SHB: variants seen among roughly 807,000 people sequenced by gnomAD.
SHB encodes SH2 domain containing adaptor protein B.
SHB carries 20 observed loss-of-function variants against 52.3 expected under a neutral mutation model. That is an observed-to-expected ratio of 0.38 (90% CI 0.27 to 0.56). The LOEUF is 0.56. Ranked by LOEUF, SHB falls within the 20% of genes least tolerant of loss-of-function variation. The probability of loss-of-function intolerance (pLI) is 0.71; values close to 1 mark genes in which losing one functional copy is unlikely to be tolerated. For missense variants in SHB, 825 were observed against 723.3 expected (o/e 1.14, Z -1.61); for synonymous variants, 397 against 316.5 (o/e 1.25, Z -2.70).
intron 5 of SHB, among the ~76,000 whole-genome samples, chr9:37,941,907 G>A (rs1458511313): frequency 1.3e-5 from 2 of 152,196 alleles, no homozygotes; most frequent in Admixed American, 1.3e-4. Context: ...CCTGCTGATA[G>A]ATGAGGGGAG....
chr9:37,939,343 C>T (rs150785326), intron 5 of SHB, among the ~76,000 whole-genome samples: 1 of 152,344 alleles, frequency 6.6e-6, no homozygotes, highest in African/African-American at 2.4e-5. Context: ...GCCTCTGCCC[C>T]TCCCTGACAA....
chr9:38,007,112 G>A (rs60719425), intron 2 of SHB, among the ~76,000 whole-genome samples: 7,450 of 152,252 alleles, frequency 0.049, 419 homozygotes, highest in African/African-American at 0.14. Flanking sequence ...AGCATAGAAC[G>A]GTGCCAGCAC....
intron 2 of SHB, among the ~76,000 whole-genome samples, chr9:37,991,671 T>C (rs540344113): frequency 7.2e-5 from 11 of 152,252 alleles, no homozygotes; most frequent in South Asian, 2.1e-4. Flanking sequence ...TTGGGACCCA[T>C]GGTTTCACTG....
chr9:38,022,531 GC>G (rs1821293538), intron 1 of SHB, among the ~76,000 whole-genome samples: 1 of 152,176 alleles, frequency 6.6e-6, no homozygotes, highest in South Asian at 2.1e-4. Flanking sequence ...TTGAAGGTGA[GC>G]AAATAGCATT....
chr9:37,945,912 C>T (rs1241941817), intron 5 of SHB, among the ~76,000 whole-genome samples: 2 of 152,216 alleles, frequency 1.3e-5, no homozygotes, highest in African/African-American at 4.8e-5. Context: ...CAGGGAGCAG[C>T]GAGTGGCAGG....
At chr9:38,047,878 C>T (rs560916358) in intron 1 of SHB, among the ~76,000 whole-genome samples, 7 of 152,206 alleles carry the variant, frequency 4.6e-5, no homozygotes, top group Non-Finnish European at 7.3e-5. Context: ...GCTGTGGCCC[C>T]GGACACAGAC....
chr9:38,007,038 T>C (rs1028454874), intron 2 of SHB, among the ~76,000 whole-genome samples: 2 of 152,202 alleles, frequency 1.3e-5, no homozygotes, highest in African/African-American at 4.8e-5. Context: ...ACTGCCACCT[T>C]GGTCCCTCAC....
At position 38,043,905 on chromosome 9, in the gene SHB, T is replaced by A. The variant is rs552382144; in HGVS notation, c.717+24024A>T. Reference sequence around the variant, plus strand: ...ACTCCGTCTCAAAAAAAAAAAAAAATTAAGAAAAGAAACCATTCTCCCTGA... The same window carrying A: ...ACTCCGTCTCAAAAAAAAAAAAAAAATAAGAAAAGAAACCATTCTCCCTGA... On this transcript the variant is annotated intron_variant, in intron 1 of 5. Coordinates refer to ENST00000377707, the MANE Select transcript of SHB (RefSeq NM_003028.3). 4.7e-5 allele frequency among the ~76,000 whole-genome samples: 7 copies of A among 147,850 alleles called. No homozygotes were observed. The South Asian group carries it at 8.6e-4, about 18-fold the overall frequency.
chr9:38,065,260 G>A lies in SHB; in HGVS notation c.717+2669C>T, dbSNP rs532664552. On this transcript the variant is annotated intron_variant, in intron 1 of 5. Transcript: ENST00000377707. ...AACTGCTTCCTGACTGCCTGATGGG[G>A]TGGAGGTGGAGGGGTGCTGGCCCAG... 2.6e-5 allele frequency among the ~76,000 whole-genome samples: 4 copies of A among 152,318 alleles called. No homozygotes were observed. The East Asian group carries it at 7.7e-4, about 29-fold the overall frequency.
chr9:38,060,551 T>G (rs534859436), intron 1 of SHB, among the ~76,000 whole-genome samples: 17 of 152,320 alleles, frequency 1.1e-4, no homozygotes, highest in African/African-American at 3.8e-4. Flanking sequence ...AAAATAGAAG[T>G]AGCAGTAGTA....
chr9:37,934,099 C>T (rs547559888), intron 5 of SHB, among the ~76,000 whole-genome samples: 1 of 152,320 alleles, frequency 6.6e-6, no homozygotes, highest in African/African-American at 2.4e-5. Context: ...GTCCTTCTGG[C>T]TGGACACAAC....
intron 4 of SHB, among the ~76,000 whole-genome samples, chr9:37,949,960 AGG>A (rs1163254405): frequency 6.6e-6 from 1 of 152,024 alleles, no homozygotes; most frequent in Non-Finnish European, 1.5e-5. Context: ...TTTTTGAGAC[AGG>A]GTCTCACCCC....
chr9:37,928,518 A>C (rs777684796), intron 5 of SHB, among the ~76,000 whole-genome samples: 4 of 152,326 alleles, frequency 2.6e-5, no homozygotes, highest in Middle Eastern at 3.4e-3. Flanking sequence ...AAGTAAGAGG[A>C]GGCCAGGGAC....
rs113234889 is a variant in SHB at position 38,016,671 on chromosome 9, A to G, written c.718-540T>C. On this transcript the variant is annotated intron_variant, in intron 1 of 5. Transcript: ENST00000377707. The stretch of plus-strand genomic sequence containing the variant: ...ACAACAATTTGGTGAGATCAACTAC[A>G]TACAAAGATCACTGTGGCCCCAGAC... Among the ~76,000 whole-genome samples, 26 of 152,344 alleles carry G rather than the reference A, an allele frequency of 1.7e-4. 2 individuals are homozygous for G. The highest frequency in any genetic ancestry group is 6.3e-4 in the African/African-American group (26 of 41,586).
At position 38,069,075 on chromosome 9, in the gene SHB, C is replaced by CCGGAG. The variant is rs1437575493; in HGVS notation, c.-431_-430insCTCCG. The CCGGAG allele has an allele frequency of 1.3e-5, 2 of 151,846 alleles. No homozygotes were observed. The highest frequency in any genetic ancestry group is 4.8e-5 in the African/African-American group (2 of 41,388). The allele number at this position is 151,846 out of a possible 1,614,324, so 9.4% of individuals were successfully genotyped here. ...CGGGAACTTCTCGGCGTCCTCGGCTCCCTTCTTCCTTCCTGCGAGCGCTGG... is the reference window on the plus strand; with the variant it reads ...CGGGAACTTCTCGGCGTCCTCGGCTCCGGAGCCTTCTTCCTTCCTGCGAGCGCTGG... On this transcript the variant is annotated 5_prime_UTR_variant, in exon 1 of 6. Coordinates refer to ENST00000377707, the MANE Select transcript of SHB (RefSeq NM_003028.3).
intron 4 of SHB, among the ~76,000 whole-genome samples, chr9:37,954,944 G>C (rs749979162): frequency 5.9e-5 from 9 of 152,200 alleles, no homozygotes; most frequent in Non-Finnish European, 1.3e-4. Context: ...GGGGCAGCAA[G>C]AACGGAAAGG....
chr9:38,025,399 GGGGCCT>G (rs1387707332), intron 1 of SHB, among the ~76,000 whole-genome samples: 1 of 152,204 alleles, frequency 6.6e-6, no homozygotes, highest in Non-Finnish European at 1.5e-5. Context: ...TGCTCCCCTA[GGGGCCT>G]GAGGCGACAC....
chr9:37,981,558 A>G (rs1229986160), intron 2 of SHB, among the ~76,000 whole-genome samples: 1 of 112,810 alleles, frequency 8.9e-6, no homozygotes. Context: ...CAGGAGTGAC[A>G]CTTTTAATTT....
At chr9:37,959,095 G>A (rs1366050507) in intron 3 of SHB, among the ~76,000 whole-genome samples, 1 of 152,180 alleles carries the variant, frequency 6.6e-6, no homozygotes, top group Non-Finnish European at 1.5e-5. Flanking sequence ...TGGGTTTGGG[G>A]TCAATCCTGA....
Sources: gnomAD v4.1 joint callset for allele counts (sites outside exome capture counted in the v4.1 genomes callset) on GRCh38, gnomAD v4.1.1 for gene constraint, MANE v1.5 for transcripts, NCBI Gene and HGNC (gene_info 2026-07-23, HGNC 2026-07-21) for gene names.